Variants in PACRGL observed in about 807,000 individuals in gnomAD.
The protein encoded by PACRGL is parkin coregulated like.
PACRGL carries 38 observed loss-of-function variants against 34.5 expected under a neutral mutation model. The observed-to-expected ratio is 1.10, with a 90% CI of 0.85 to 1.44. The LOEUF is 1.44. Among genes scored for constraint, PACRGL ranks in the 40% most tolerant of loss-of-function variants. The probability of loss-of-function intolerance (pLI) is 0.00; values close to 1 mark genes in which losing one functional copy is unlikely to be tolerated. For synonymous variants in PACRGL, 128 were observed against 100.1 expected (o/e 1.28, Z -1.66); for missense variants, 305 against 281.4 (o/e 1.08, Z -0.60).
rs1746279399 is a variant in PACRGL, at chr4:20,727,530, A to G, written c.*189A>G. 3.9e-6 allele frequency: 2 copies of G among 512,328 alleles called. No individual in the cohort carries two copies. Among genetic ancestry groups the G allele is most frequent in the Non-Finnish European group, 7.0e-6 (2 of 287,462 alleles). The allele number at this position is 512,328 out of a possible 1,614,324, so 31.7% of individuals were successfully genotyped here. A position where few individuals can be genotyped will look rare whatever the true frequency, so the allele number is the denominator to read the frequency against. ...ACAGTTACTAATGGAAAGTTATTAA[A>G]ATAAGTTCTATAAGAGTACAATTTT... On this transcript the variant is annotated 3_prime_UTR_variant, in exon 9 of 9. Coordinates refer to ENST00000503585, the MANE Select transcript of PACRGL (RefSeq NM_001258345.3).
chr4:20,743,048 A>G (rs1052525031), intron 8 of PACRGL, among the ~76,000 whole-genome samples: 1 of 151,890 alleles, frequency 6.6e-6, no homozygotes, highest in Non-Finnish European at 1.5e-5. Context: ...GGACCCTTAT[A>G]AGGGTGTGAA....
the PACRGL span, chr4:20,758,771 G>A: frequency 7.1e-6 from 10 of 1,411,360 alleles, no homozygotes; most frequent in Admixed American, 1.8e-5. Context: ...AACACTGCAA[G>A]CATAATTGTA....
chr4:20,718,917 C>T (rs923465569), intron 7 of PACRGL: 1 of 152,192 alleles, frequency 6.6e-6, no homozygotes, highest in Non-Finnish European at 1.5e-5. Flanking sequence ...ACAAGCTCCT[C>T]CTTGTACCTC....
chr4:20,709,816 TA>T, intron 5 of PACRGL, 43 bp downstream of exon 5: 1 of 1,468,324 alleles, frequency 6.8e-7, no homozygotes, highest in Non-Finnish European at 9.5e-7. Flanking sequence ...AAATAAACAT[TA>T]AAAATTGCAT....
intron 8 of PACRGL, among the ~76,000 whole-genome samples, chr4:20,738,009 G>A (rs1396681772): frequency 6.6e-6 from 1 of 151,934 alleles, no homozygotes; most frequent in Non-Finnish European, 1.5e-5. Context: ...GTGCACACCT[G>A]TTGTCCCAGC....
chr4:20,764,672 T>C, the PACRGL span, among the ~76,000 whole-genome samples: 1 of 108,156 alleles, frequency 9.2e-6, no homozygotes, highest in East Asian at 3.0e-4. Context: ...TAGAATCACA[T>C]GGGAATTGGA....
At chr4:20,759,088 G>A in the PACRGL span, among the ~76,000 whole-genome samples, 4 of 152,114 alleles carry the variant, frequency 2.6e-5, no homozygotes, top group Non-Finnish European at 4.4e-5. Context: ...AAACGTAGAT[G>A]TAAATATCTT....
chr4:20,723,382 C>T lies in PACRGL; in HGVS notation c.610-1426C>T, dbSNP rs531470392. ...TATAATCTGAGCAGAAACAGGCATG[C>T]TCTCAGTCCTTGTGGAGATTATTGG... is the stretch of plus-strand genomic sequence containing the variant. On this transcript the variant is annotated intron_variant, in intron 7 of 8. Transcript: ENST00000503585. Among the ~76,000 whole-genome samples the T allele has an allele frequency of 3.3e-5, 5 of 152,134 alleles. No individual in the cohort carries two copies. The South Asian group carries it at 1.0e-3, about 32-fold the overall frequency.
In PACRGL at chr4:20,712,801, C is replaced by T. The variant is rs748948955; in HGVS notation, c.380C>T (p.Thr127Ile). The T allele has an allele frequency of 2.0e-5, 31 of 1,573,446 alleles. No homozygotes were observed. The highest frequency in any genetic ancestry group is 8.6e-7 in the Non-Finnish European group (1 of 1,156,732). Residue 127 changes from threonine (T) to isoleucine (I), a missense_variant, in exon 6 of 9, where the codon ACT becomes ATT. Coordinates refer to ENST00000503585, the MANE Select transcript of PACRGL (RefSeq NM_001258345.3). ...GGTCTTTGTCAGGGTCTGAGAGAGA[C>T]TAAGCATCCATACACTTTTGTGTCA... ...LITLAEGLRETKHPYTFVSKE... is the reference protein window; with the variant it reads ...LITLAEGLREIKHPYTFVSKE...
intron 8 of PACRGL, among the ~76,000 whole-genome samples, chr4:20,726,174 TGGA>T (rs1210430222): frequency 1.3e-5 from 2 of 151,590 alleles, no homozygotes; most frequent in Non-Finnish European, 2.9e-5. Flanking sequence ...GGAGGGGGTG[TGGA>T]GGAGGAGATA....
chr4:20,734,572 A>C, downstream of PACRGL: 1 of 835,798 alleles, frequency 1.2e-6, no homozygotes, highest in Non-Finnish European at 1.8e-6. Context: ...TAATATTTTA[A>C]AGTTAAGAAA....
chr4:20,709,767 A>G lies in PACRGL; in HGVS notation c.360A>G (p.Leu120=), dbSNP rs372255889. Residue 120 remains leucine, a synonymous_variant, in exon 5 of 9, where the codon TTA becomes TTG. Coordinates refer to ENST00000503585, the MANE Select transcript of PACRGL (RefSeq NM_001258345.3). The part of the protein sequence containing the change: ...SLSFDPLLIT[L]AEGLRETKHP... ...CATTTGATCCACTTCTTATTACTTT[A>G]GCTGAGGTAAATATGCCATCTCTTG... 439 of 1,591,076 alleles carry G rather than the reference A, an allele frequency of 2.8e-4. No individual in the cohort carries two copies. Among genetic ancestry groups the G allele is most frequent in the Non-Finnish European group, 3.7e-4 (425 of 1,160,112 alleles).
chr4:20,699,179 T>A (rs1490350182), upstream of PACRGL, among the ~76,000 whole-genome samples: 2 of 152,052 alleles, frequency 1.3e-5, no homozygotes, highest in Non-Finnish European at 2.9e-5. Flanking sequence ...AAGCTGGAGA[T>A]GAGAGATTAT....
chr4:20,740,671 G>C (rs1233758277), intron 8 of PACRGL, among the ~76,000 whole-genome samples: 1 of 152,148 alleles, frequency 6.6e-6, no homozygotes, highest in Non-Finnish European at 1.5e-5. Flanking sequence ...ATCAACTAAT[G>C]AGCAAAATAA....
intron 7 of PACRGL, among the ~76,000 whole-genome samples, chr4:20,719,356 C>T (rs1186880197): frequency 6.6e-6 from 1 of 152,092 alleles, no homozygotes; most frequent in Non-Finnish European, 1.5e-5. Flanking sequence ...TTAGTTATTT[C>T]TTGACTTCTG....
chr4:20,742,750 A>T (rs571109458), intron 8 of PACRGL, among the ~76,000 whole-genome samples: 1 of 152,170 alleles, frequency 6.6e-6, no homozygotes, highest in African/African-American at 2.4e-5. Flanking sequence ...AAGGGTATTC[A>T]ATTAGGGAAA....
chr4:20,724,622 A>C (rs1017767410), intron 7 of PACRGL, among the ~76,000 whole-genome samples, 186 bp from the exon 8 acceptor site: 1 of 152,180 alleles, frequency 6.6e-6, no homozygotes, highest in African/African-American at 2.4e-5. Flanking sequence ...TACCTGAAAT[A>C]ATGTAAATTC....
intron 3 of PACRGL, among the ~76,000 whole-genome samples, chr4:20,707,218 T>G (rs1384056050): frequency 3.3e-5 from 5 of 152,210 alleles, no homozygotes; most frequent in African/African-American, 1.2e-4. Flanking sequence ...TGACCATCCC[T>G]TAAATCATCT....
rs142217295 is a variant in PACRGL, at chr4:20,724,745, T to G, written c.610-63T>G. ...AGGGGTGCTCCTGAAGATTTACTTA[T>G]GCGTATGGTGAGCATTGTTAAGTTT... On this transcript the variant is annotated intron_variant, in intron 7 of 8. Transcript: ENST00000503585. The G allele has an allele frequency of 9.9e-5, 89 of 899,632 alleles. No individual in the cohort carries two copies. The African/African-American group carries it at 1.3e-3, about 13-fold the overall frequency. The allele number at this position is 899,632 out of a possible 1,614,324, so 55.7% of individuals were successfully genotyped here. A position where few individuals can be genotyped will look rare whatever the true frequency, so the allele number is the denominator to read the frequency against.
Sources: allele counts gnomAD v4.1 joint callset (sites outside exome capture counted in the v4.1 genomes callset), GRCh38; gene constraint gnomAD v4.1.1; transcripts MANE v1.5; gene names NCBI Gene and HGNC (gene_info 2026-07-23, HGNC 2026-07-21).